EPHA5: variants seen among roughly 807,000 people sequenced by gnomAD.
EPHA5 encodes the protein ephrin type-A receptor 5.
EPHA5 carries 60 observed loss-of-function variants against 105.0 expected under a neutral mutation model. The observed-to-expected ratio is 0.57, with a 90% confidence interval of 0.46 to 0.71. The LOEUF is 0.71. Ranked by LOEUF, EPHA5 falls within the 30% of genes least tolerant of loss-of-function variation. EPHA5 has a pLI of 0.00. For synonymous variants in EPHA5, 513 were observed against 449.1 expected (o/e 1.14, Z -1.80); for missense variants, 1,218 against 1,274.7 (o/e 0.96, Z 0.68).
chr4:65,638,288 T>A (rs188051833), intron 2 of EPHA5, among the ~76,000 whole-genome samples: 2 of 152,246 alleles, frequency 1.3e-5, no homozygotes, highest in East Asian at 3.9e-4. Context: ...TCTCCACAAC[T>A]GGGGATAAAA....
chr4:65,631,025 A>T (rs1415395368), intron 2 of EPHA5, among the ~76,000 whole-genome samples: 1 of 152,122 alleles, frequency 6.6e-6, no homozygotes, highest in East Asian at 1.9e-4. Flanking sequence ...TGTTTTGAAG[A>T]TCAATTTTAT....
At chr4:65,604,341 C>T (rs990177162) in intron 2 of EPHA5, among the ~76,000 whole-genome samples, 4 of 152,164 alleles carry the variant, frequency 2.6e-5, no homozygotes, top group Admixed American at 6.5e-5. Context: ...AAAGTATGTG[C>T]ATAAGCATCT....
At chr4:65,501,790 C>T (rs1732514355) in intron 3 of EPHA5, among the ~76,000 whole-genome samples, 1 of 147,604 alleles carries the variant, frequency 6.8e-6, no homozygotes, top group South Asian at 2.2e-4. Flanking sequence ...GCCCAAATAG[C>T]TGAAGTAATC....
At chr4:65,667,406 T>C (rs141584500) in intron 1 of EPHA5, among the ~76,000 whole-genome samples, 256 of 152,274 alleles carry the variant, frequency 1.7e-3, no homozygotes, top group African/African-American at 5.9e-3. Context: ...AATAGTGACA[T>C]ATTACAAAAT....
At chr4:65,600,099 A>C (rs1383818367) in intron 3 of EPHA5, among the ~76,000 whole-genome samples, 1 of 152,162 alleles carries the variant, frequency 6.6e-6, no homozygotes, top group South Asian at 2.1e-4. Context: ...GAAATAATTA[A>C]TAAGATTTAT....
rs189316309 is a variant in EPHA5 at position 65,523,923 on chromosome 4, A to T, written c.911-28380T>A. 1.5e-4 allele frequency among the ~76,000 whole-genome samples: 23 copies of T among 152,014 alleles called. No homozygotes were observed. In the East Asian group the frequency reaches 2.7e-3, roughly 18 times the overall value. On this transcript the variant is annotated intron_variant, in intron 3 of 16. Transcript: ENST00000613740. ...TCACAAGAGTGAAGGTTATTAAGCC[A>T]GGTCCATAAAAGCTCTTTGAAAGCT... is the stretch of plus-strand genomic sequence containing the variant.
In EPHA5 at chr4:65,351,458, C is replaced by T. The variant is rs2148854497; in HGVS notation, c.2376G>A (p.Val792=). 1 of 1,613,810 alleles carries T rather than the reference C, an allele frequency of 6.2e-7. No individual in the cohort carries two copies. The highest frequency in any genetic ancestry group is 8.5e-7 in the Non-Finnish European group (1 of 1,179,834). ...ARNILINSNL[V]CKVSDFGLSR... ...AAAGTCCAAAGTCAGACACTTTGCACACAAGGTTACTGTTGATTAAGATGT... is the reference window on the plus strand; with the variant it reads ...AAAGTCCAAAGTCAGACACTTTGCATACAAGGTTACTGTTGATTAAGATGT... Residue 792 remains valine, a synonymous_variant, in exon 13 of 17, where the codon GTG becomes GTA. Coordinates refer to ENST00000613740, the MANE Select transcript of EPHA5 (RefSeq NM_001281766.3).
At chr4:65,338,358 A>G (rs916285070) in intron 14 of EPHA5, among the ~76,000 whole-genome samples, 2 of 152,118 alleles carry the variant, frequency 1.3e-5, no homozygotes, top group African/African-American at 4.8e-5. Context: ...CATGTAATAT[A>G]TTTGCTATAC....
intron 3 of EPHA5, among the ~76,000 whole-genome samples, chr4:65,513,573 GA>G (rs1226193653): frequency 6.6e-6 from 1 of 151,980 alleles, no homozygotes; most frequent in Non-Finnish European, 1.5e-5. Flanking sequence ...TCTCAGTAGA[GA>G]GGGGGGTTTT....
rs757761328 is a variant in EPHA5, at chr4:65,669,661, G to A, written c.82C>T (p.Leu28=). 2.1e-5 allele frequency: 29 copies of A among 1,362,092 alleles called. No homozygotes were observed. Among genetic ancestry groups the A allele is most frequent in the Admixed American group, 3.1e-5 (1 of 32,490 alleles). The allele number at this position is 1,362,092 out of a possible 1,614,324, so 84.4% of individuals were successfully genotyped here. The change falls in exon 1 of 17, where the codon CTG becomes TTG. Residue 28 remains leucine (L), a synonymous_variant. Coordinates refer to ENST00000613740, the MANE Select transcript of EPHA5 (RefSeq NM_001281766.3). ...CGAGGTGCAGAGTAGCAGCCGGCCA[G>A]GGACGCTGGGGTGATGGGGGTGTCG... ...GGDTPITPAS[L]AGCYSAPRRA...
intron 12 of EPHA5, among the ~76,000 whole-genome samples, chr4:65,352,024 C>T (rs186521242): frequency 7.2e-5 from 11 of 152,036 alleles, no homozygotes; most frequent in Admixed American, 5.9e-4. Context: ...TCTGTAACAG[C>T]AGATGGGAGA....
At chr4:65,368,614 C>A (rs1482044180) in intron 8 of EPHA5, among the ~76,000 whole-genome samples, 1 of 152,118 alleles carries the variant, frequency 6.6e-6, no homozygotes, top group East Asian at 1.9e-4. Context: ...AATGATGCTC[C>A]TCCACTCTGT....
chr4:65,454,194 C>T (rs192932516), intron 5 of EPHA5, among the ~76,000 whole-genome samples: 2 of 151,960 alleles, frequency 1.3e-5, no homozygotes, highest in Non-Finnish European at 2.9e-5. Flanking sequence ...GCAGAAGAAT[C>T]GCTTGAACTC....
At chr4:65,547,870 A>G (rs1361547771) in intron 3 of EPHA5, among the ~76,000 whole-genome samples, 1 of 152,040 alleles carries the variant, frequency 6.6e-6, no homozygotes, top group Non-Finnish European at 1.5e-5. Flanking sequence ...GCCAGAAGGC[A>G]ATCTTATATA....
intron 6 of EPHA5, among the ~76,000 whole-genome samples, chr4:65,419,641 G>A (rs13123156): frequency 0.028 from 4,194 of 152,228 alleles, 73 homozygotes; most frequent in African/African-American, 0.042. Context: ...ATGCCATTCA[G>A]GTCCAGCCAG....
rs1196381230 is a variant in EPHA5 at position 65,382,209 on chromosome 4, T to G, written c.1794-14785A>C. ...CCTTATTTCTTACTCTAAAAAAAAC[T>G]ATTAGGACCTAGAAATATCAAACTA... is the stretch of plus-strand genomic sequence containing the variant. On this transcript the variant is annotated intron_variant, in intron 8 of 16. Transcript: ENST00000613740. 2.0e-5 allele frequency among the ~76,000 whole-genome samples: 3 copies of G among 151,712 alleles called. No homozygotes were observed. The Admixed American group carries it at 2.0e-4, about 10-fold the overall frequency.
chr4:65,523,921 C>A (rs543874450), intron 3 of EPHA5, among the ~76,000 whole-genome samples: 68 of 151,914 alleles, frequency 4.5e-4, no homozygotes, highest in Non-Finnish European at 7.5e-4. Context: ...GGTTATTAAG[C>A]CAGGTCCATA....
intron 3 of EPHA5, among the ~76,000 whole-genome samples, chr4:65,502,296 C>G (rs900898336): frequency 6.6e-6 from 1 of 151,306 alleles, no homozygotes; most frequent in Non-Finnish European, 1.5e-5. Context: ...GCAAGAAAAA[C>G]TATTAGCAAA....
chr4:65,631,733 T>TATA (rs71205398), intron 2 of EPHA5, among the ~76,000 whole-genome samples: 39,057 of 109,390 alleles, frequency 0.36, 5,654 homozygotes, highest in East Asian at 0.57. Flanking sequence ...AAACTTAAAG[T>TATA]ATAATAATAA....
Sources: allele counts gnomAD v4.1 joint callset (sites outside exome capture counted in the v4.1 genomes callset), GRCh38; gene constraint gnomAD v4.1.1; transcripts MANE v1.5; gene names NCBI Gene and HGNC (gene_info 2026-07-23, HGNC 2026-07-21).